The following ARHGEF10L variants were observed in gnomAD, a reference collection of about 807,000 sequenced individuals.
ARHGEF10L encodes rho guanine nucleotide exchange factor 10-like protein.
A neutral mutation model predicts 141.2 loss-of-function variants in ARHGEF10L; 69 were observed. The observed-to-expected ratio is 0.49, with a 90% CI of 0.40 to 0.60. The LOEUF (loss-of-function observed/expected upper bound fraction) is 0.60, where lower values mean the gene tolerates loss of function less well. Among genes scored for constraint, ARHGEF10L ranks in the 20% least tolerant of loss-of-function variants. The pLI is 0.00. For missense variants in ARHGEF10L, 1,482 were observed against 1,734.3 expected, an observed-to-expected ratio of 0.85 and a Z score of 2.58; for synonymous variants, 711 against 718.5, an observed-to-expected ratio of 0.99 and a Z score of 0.17.
At chr1:17,552,103 C>T (rs961146313) in intron 1 of ARHGEF10L, among the ~76,000 whole-genome samples, 2 of 152,156 alleles carry the variant, frequency 1.3e-5, no homozygotes, top group African/African-American at 4.8e-5. Context: ...TGGGAAAACT[C>T]CATGGGGCTG....
rs2061470830 is a variant in ARHGEF10L at position 17,644,222 on chromosome 1, G to A, written c.2272+3920G>A. On this transcript the variant is annotated intron_variant, in intron 21 of 28. Transcript: ENST00000361221. The surrounding 1 kb of genome is among the most constrained non-coding windows in gnomAD (Gnocchi z 4.5). The stretch of plus-strand genomic sequence containing the variant: ...GCCCTCCCTTGCTGCCTCTCATTTG[G>A]TTTAGTTTTCCGGCCCATAGTCGTC... Among the ~76,000 whole-genome samples the A allele has an allele frequency of 2.0e-5, 3 of 152,114 alleles. No individual in the cohort carries two copies. The highest frequency in any genetic ancestry group is 2.0e-4 in the Admixed American group (3 of 15,274).
intron 26 of ARHGEF10L, among the ~76,000 whole-genome samples, chr1:17,671,762 C>T (rs2102282167): frequency 6.6e-6 from 1 of 152,314 alleles, no homozygotes; most frequent in Middle Eastern, 3.4e-3. Flanking sequence ...ATGCTGACAT[C>T]CTGGGGCCGG....
intron 4 of ARHGEF10L, among the ~76,000 whole-genome samples, chr1:17,597,052 C>T (rs1472661028): frequency 6.6e-5 from 10 of 152,130 alleles, no homozygotes; most frequent in African/African-American, 2.4e-4. Context: ...ACTCCTCTGC[C>T]GGCAATGTAG....
At chr1:17,540,474 G>A (rs1430353221) in intron 1 of ARHGEF10L, among the ~76,000 whole-genome samples, 1 of 152,116 alleles carries the variant, frequency 6.6e-6, no homozygotes, top group Non-Finnish European at 1.5e-5. Flanking sequence ...GGGTCAGCCG[G>A]AGGCCGTGGC....
chr1:17,573,856 CTG>C lies in ARHGEF10L; in HGVS notation c.-43-6696_-43-6695del, dbSNP rs145497449. ...TGCGGGAGGGTGGGTGCCACCGACT[CTG>C]GGCTCAGGACAGAGTCTCCATTGTC... On this transcript the variant is annotated intron_variant, in intron 1 of 28. Coordinates refer to ENST00000361221, the MANE Select transcript of ARHGEF10L (RefSeq NM_018125.4). This position sits in a 1 kb window ranked among gnomAD's most constrained non-coding sequence, Gnocchi z 4.8. Among the ~76,000 whole-genome samples, 14,505 of 152,072 alleles carry C rather than the reference CTG, an allele frequency of 0.095. 881 individuals are homozygous for C. The highest frequency in any genetic ancestry group is 0.17 in the Middle Eastern group (49 of 294).
chr1:17,519,427 T>C, the ARHGEF10L span, among the ~76,000 whole-genome samples: 312 of 151,966 alleles, frequency 2.1e-3, 2 homozygotes, highest in African/African-American at 5.5e-3. Flanking sequence ...CTGGGCAATA[T>C]GGTGAAACCC....
Position 17,619,461 on chromosome 1 carries a change from G to A in ARHGEF10L, c.942+16G>A. On this transcript the variant is annotated intron_variant, in intron 10 of 28. Coordinates refer to ENST00000361221, the MANE Select transcript of ARHGEF10L (RefSeq NM_018125.4). This position sits in a 1 kb window ranked among gnomAD's most constrained non-coding sequence, Gnocchi z 5.0. ...CCCTCAGCAGGTCTGTGGGGGAGTG[G>A]GGCAGGTGGGGGTCTGCAGGGGAAG... 3 of 1,570,024 alleles carry A rather than the reference G, an allele frequency of 1.9e-6. No homozygotes were observed. The highest frequency in any genetic ancestry group is 2.6e-6 in the Non-Finnish European group (3 of 1,157,126).
chr1:17,695,004 C>G, intron 27 of ARHGEF10L, 154 bp from the exon 28 acceptor site: 1 of 1,135,458 alleles, frequency 8.8e-7, no homozygotes, highest in Non-Finnish European at 1.3e-6. Flanking sequence ...GCAGGTCAGC[C>G]TCCAAAGCCC....
chr1:17,588,162 C>T (rs2079184083), intron 3 of ARHGEF10L, among the ~76,000 whole-genome samples: 1 of 151,552 alleles, frequency 6.6e-6, no homozygotes, highest in South Asian at 2.1e-4. Flanking sequence ...GCTCCTGGAG[C>T]AGCTGGGGGT....
At position 17,603,539 on chromosome 1, in the gene ARHGEF10L, G is replaced by A. The variant is rs1372485685; in HGVS notation, c.381G>A (p.Glu127=). The A allele has an allele frequency of 6.2e-7, 1 of 1,613,816 alleles. No homozygotes were observed. Among genetic ancestry groups the A allele is most frequent in the Middle Eastern group, 1.7e-4 (1 of 6,058 alleles). The change falls in exon 6 of 29, where the codon GAG becomes GAA. Residue 127 remains glutamate (E), a synonymous_variant. Transcript: ENST00000361221. This position sits in a 1 kb window ranked among gnomAD's most constrained non-coding sequence, Gnocchi z 4.8. ...GGTTCACTTTCCCCGCCCTGGAAGA[G>A]GATGTGATTTATGACGACGTCCCCT... is the stretch of plus-strand genomic sequence containing the variant. The part of the protein sequence containing the change: ...IDRFTFPALE[E]DVIYDDVPCE...
Position 17,621,577 on chromosome 1 carries a change from G to A in ARHGEF10L, c.943-287G>A, listed in dbSNP as rs2060110503. On this transcript the variant is annotated intron_variant, in intron 10 of 28. Transcript: ENST00000361221. This position sits in a 1 kb window ranked among gnomAD's most constrained non-coding sequence, Gnocchi z 4.1. The stretch of plus-strand genomic sequence containing the variant: ...TGTCCAAAGATGGAGGTGGTCACCC[G>A]CCACCATGGAGGAGCGTGGTGATTA... Among the ~76,000 whole-genome samples, 1 of 152,318 alleles carries A rather than the reference G, an allele frequency of 6.6e-6. No homozygotes were observed. Among genetic ancestry groups the A allele is most frequent in the African/African-American group, 2.4e-5 (1 of 41,570 alleles).
intron 22 of ARHGEF10L, among the ~76,000 whole-genome samples, chr1:17,652,755 C>G (rs1317422558): frequency 6.6e-6 from 1 of 152,120 alleles, no homozygotes; most frequent in Non-Finnish European, 1.5e-5. Context: ...CAGAGCCCAC[C>G]TGGGGACAGG....
chr1:17,550,555 T>C (rs113925553), intron 1 of ARHGEF10L, among the ~76,000 whole-genome samples: 3,685 of 151,834 alleles, frequency 0.024, 162 homozygotes, highest in African/African-American at 0.084. Flanking sequence ...GGCAGGAGAA[T>C]TGCTCGAACC....
intron 25 of ARHGEF10L, among the ~76,000 whole-genome samples, chr1:17,661,863 C>G (rs926579251): frequency 6.6e-6 from 1 of 151,592 alleles, no homozygotes; most frequent in African/African-American, 2.4e-5. Context: ...TCCTGGACAC[C>G]AGGCCCAGCT....
chr1:17,647,138 C>T (rs1056810271), intron 21 of ARHGEF10L, among the ~76,000 whole-genome samples: 3 of 152,134 alleles, frequency 2.0e-5, no homozygotes, highest in South Asian at 2.1e-4. Flanking sequence ...CAGGCCTCTG[C>T]GATGGAGCAT....
chr1:17,676,416 GT>G (rs775530660), intron 26 of ARHGEF10L, among the ~76,000 whole-genome samples: 44 of 151,344 alleles, frequency 2.9e-4, no homozygotes, highest in Non-Finnish European at 6.0e-4. Context: ...ATGTTCATGT[GT>G]AGGTGCAGGC....
intron 27 of ARHGEF10L, chr1:17,691,061 G>A (rs925528845): frequency 6.8e-6 from 3 of 440,324 alleles, no homozygotes; most frequent in East Asian, 1.5e-4. Flanking sequence ...TCTTCCACTC[G>A]CATACTCGAC....
rs2061234720 is a variant in ARHGEF10L, at chr1:17,639,933, G to A, written c.2172-269G>A. The A allele has an allele frequency of 2.2e-5, 32 of 1,473,394 alleles. No homozygotes were observed. In the South Asian group the frequency reaches 3.5e-4, roughly 16 times the overall value. The allele number at this position is 1,473,394 out of a possible 1,614,324, so 91.3% of individuals were successfully genotyped here. On this transcript the variant is annotated intron_variant, in intron 20 of 28. Coordinates refer to ENST00000361221, the MANE Select transcript of ARHGEF10L (RefSeq NM_018125.4). This position sits in a 1 kb window ranked among gnomAD's most constrained non-coding sequence, Gnocchi z 4.3. ...AGAGGCTCTGCCGGGCACAAAGCCA[G>A]AGGCTCCTGGAGCCAGGCTGGGGAG... is the stretch of plus-strand genomic sequence containing the variant.
At chr1:17,532,810 G>A in the ARHGEF10L span, among the ~76,000 whole-genome samples, 469 of 152,126 alleles carry the variant, frequency 3.1e-3, 8 homozygotes, top group East Asian at 0.043. Flanking sequence ...GGCCAGGCTC[G>A]TCTTGAACTC....
Sources: allele counts gnomAD v4.1 joint callset (sites outside exome capture counted in the v4.1 genomes callset), GRCh38; gene constraint gnomAD v4.1.1; non-coding constraint Gnocchi (gnomAD v3.1); transcripts MANE v1.5; gene names NCBI Gene and HGNC (gene_info 2026-07-23, HGNC 2026-07-21).